CDH18: variants seen among roughly 807,000 people sequenced by gnomAD.
The protein encoded by CDH18 is cadherin 18.
A neutral mutation model predicts 67.9 loss-of-function variants in CDH18; 31 were observed. That is an observed-to-expected ratio of 0.46 (90% CI 0.34 to 0.62). CDH18 has a LOEUF of 0.62. CDH18 is among the 20% of genes least tolerant of loss of function. The pLI is 0.01. For missense variants in CDH18, 890 were observed against 975.5 expected, an observed-to-expected ratio of 0.91 and a Z score of 1.17; for synonymous variants, 362 against 347.2, an observed-to-expected ratio of 1.04 and a Z score of -0.48.
rs569937715 is a variant in CDH18 at position 19,739,530 on chromosome 5, G to A, written c.523+7412C>T. Among the ~76,000 whole-genome samples the A allele has an allele frequency of 1.2e-3, 181 of 152,258 alleles. 1 individual carries two copies. Among genetic ancestry groups the A allele is most frequent in the Non-Finnish European group, 2.0e-3 (134 of 68,014 alleles). Reference sequence around the variant, plus strand: ...TAGTGGAAGAGCAGCCTGGACCACCGAATTATGAGCAAATAAAGCAAATAT... The same window carrying A: ...TAGTGGAAGAGCAGCCTGGACCACCAAATTATGAGCAAATAAAGCAAATAT... On this transcript the variant is annotated intron_variant, in intron 4 of 12. Coordinates refer to ENST00000382275, the MANE Select transcript of CDH18 (RefSeq NM_004934.5).
At chr5:19,751,928 G>A (rs571242440) in intron 3 of CDH18, among the ~76,000 whole-genome samples, 2 of 152,210 alleles carry the variant, frequency 1.3e-5, no homozygotes, top group South Asian at 4.1e-4. Flanking sequence ...GGAATAGCAG[G>A]AATCCTGAGA....
intron 1 of CDH18, chr5:20,304,793 G>T: frequency 6.2e-7 from 1 of 1,610,376 alleles, no homozygotes; most frequent in South Asian, 1.1e-5. Flanking sequence ...GAAGGAGACC[G>T]TGTTTCAGCC....
chr5:20,377,558 A>G (rs1229547637), intron 1 of CDH18, among the ~76,000 whole-genome samples: 1 of 152,210 alleles, frequency 6.6e-6, no homozygotes, highest in East Asian at 1.9e-4. Flanking sequence ...AATAAATGTC[A>G]TCATTGAAAT....
intron 2 of CDH18, among the ~76,000 whole-genome samples, chr5:20,241,075 G>A (rs773638276): frequency 1.1e-4 from 16 of 151,906 alleles, no homozygotes; most frequent in Non-Finnish European, 1.6e-4. Flanking sequence ...AAAAATATGA[G>A]AAAACAAAAC....
At chr5:20,293,161 AC>A (rs1005495855) in intron 1 of CDH18, among the ~76,000 whole-genome samples, 6 of 152,128 alleles carry the variant, frequency 3.9e-5, no homozygotes, top group Non-Finnish European at 2.9e-5. Flanking sequence ...TACTAAAAAT[AC>A]AAAAATTATC....
At chr5:20,508,408 T>C (rs899522945) in intron 1 of CDH18, among the ~76,000 whole-genome samples, 3 of 148,246 alleles carry the variant, frequency 2.0e-5, no homozygotes, top group African/African-American at 7.4e-5. Context: ...GCTATAGTAG[T>C]ATATTATATC....
intron 4 of CDH18, among the ~76,000 whole-genome samples, chr5:19,735,059 G>C (rs1472719356): frequency 2.0e-5 from 3 of 152,158 alleles, no homozygotes; most frequent in Non-Finnish European, 4.4e-5. Flanking sequence ...CATAACACAG[G>C]TGAGTGTTTG....
At chr5:19,959,891 C>A (rs953087536) in intron 2 of CDH18, among the ~76,000 whole-genome samples, 5 of 151,990 alleles carry the variant, frequency 3.3e-5, no homozygotes, top group African/African-American at 1.2e-4. Context: ...TACAGGTGGA[C>A]AACTGTAATA....
chr5:19,884,210 A>G (rs977794266), intron 2 of CDH18, among the ~76,000 whole-genome samples: 2 of 152,128 alleles, frequency 1.3e-5, no homozygotes, highest in African/African-American at 4.8e-5. Context: ...ATTTTGCGGC[A>G]AGGTCGCCTA....
At chr5:19,809,146 G>T (rs1778366999) in intron 3 of CDH18, among the ~76,000 whole-genome samples, 1 of 152,004 alleles carries the variant, frequency 6.6e-6, no homozygotes, top group African/African-American at 2.4e-5. Context: ...ATTAGAAATG[G>T]TATATAAAAA....
At chr5:20,434,133 C>T (rs1748984520) in intron 1 of CDH18, among the ~76,000 whole-genome samples, 1 of 152,020 alleles carries the variant, frequency 6.6e-6, no homozygotes, top group Non-Finnish European at 1.5e-5. Context: ...AAATAGCAAC[C>T]TCAGTTGTGG....
At chr5:19,983,294 C>G (rs957102482) in intron 1 of CDH18, among the ~76,000 whole-genome samples, 1 of 151,998 alleles carries the variant, frequency 6.6e-6, no homozygotes, top group Non-Finnish European at 1.5e-5. Context: ...TGTAAGTCAT[C>G]TGTATTAATC....
chr5:19,504,395 T>C (rs1363461088), intron 10 of CDH18, among the ~76,000 whole-genome samples: 3 of 152,082 alleles, frequency 2.0e-5, no homozygotes, highest in Non-Finnish European at 4.4e-5. Flanking sequence ...TCCCTCCATA[T>C]TTATTTATAA....
chr5:20,301,169 G>C (rs547168271), intron 1 of CDH18, among the ~76,000 whole-genome samples: 17 of 151,496 alleles, frequency 1.1e-4, no homozygotes, highest in Admixed American at 3.3e-4. Context: ...TGTATAGACA[G>C]TGTTTTTTTG....
intron 5 of CDH18, among the ~76,000 whole-genome samples, chr5:19,642,414 T>C (rs958508662): frequency 1.3e-5 from 2 of 152,050 alleles, no homozygotes; most frequent in Non-Finnish European, 1.5e-5. Context: ...ACATGCTCTC[T>C]GATTTCAAAA....
At chr5:20,487,353 C>A (rs1242261537) in intron 1 of CDH18, among the ~76,000 whole-genome samples, 1 of 148,562 alleles carries the variant, frequency 6.7e-6, no homozygotes, top group African/African-American at 2.5e-5. Flanking sequence ...TATGTATAAA[C>A]CTATATATAT....
intron 3 of CDH18, among the ~76,000 whole-genome samples, chr5:19,827,255 G>T (rs923973914): frequency 1.3e-5 from 2 of 148,178 alleles, no homozygotes; most frequent in African/African-American, 5.0e-5. Flanking sequence ...TTTACAAAGA[G>T]AATTGGATAA....
chr5:19,489,399 C>T (rs1370874574), intron 11 of CDH18, among the ~76,000 whole-genome samples: 6 of 151,878 alleles, frequency 4.0e-5, no homozygotes, highest in South Asian at 4.2e-4. Flanking sequence ...AGGCGCCCGC[C>T]ACCACACCTG....
chr5:19,572,468 T>G (rs1053316648), intron 7 of CDH18, among the ~76,000 whole-genome samples: 1 of 152,164 alleles, frequency 6.6e-6, no homozygotes, highest in African/African-American at 2.4e-5. Flanking sequence ...GCAGAGAAAT[T>G]GAGGCATTGT....
Sources: allele counts gnomAD v4.1 joint callset (sites outside exome capture counted in the v4.1 genomes callset), GRCh38; gene constraint gnomAD v4.1.1; transcripts MANE v1.5; gene names NCBI Gene and HGNC (gene_info 2026-07-23, HGNC 2026-07-21).